Variants in SH3TC1 observed in about 807,000 individuals in gnomAD.
SH3TC1 encodes the protein SH3 domain and tetratricopeptide repeat-containing protein 1.
A neutral mutation model predicts 117.3 loss-of-function variants in SH3TC1; 135 were observed. That is an observed-to-expected ratio of 1.15 (90% CI 1.00 to 1.33). The LOEUF is 1.33. Ranked by LOEUF, SH3TC1 falls within the 40% of genes most tolerant of loss-of-function variation. The probability of loss-of-function intolerance (pLI) is 0.00; values close to 1 mark genes in which losing one functional copy is unlikely to be tolerated. For synonymous variants in SH3TC1, 898 were observed against 816.9 expected, an observed-to-expected ratio of 1.10 and a Z score of -1.69; for missense variants, 2,092 against 1,794.3, an observed-to-expected ratio of 1.17 and a Z score of -3.00.
At chr4:8,208,648 C>T (rs1388503654) in intron 2 of SH3TC1, among the ~76,000 whole-genome samples, 2 of 152,220 alleles carry the variant, frequency 1.3e-5, no homozygotes, top group Non-Finnish European at 2.9e-5. Context: ...CCACTGCGCC[C>T]GGCCCATTTG....
chr4:8,212,118 T>C (rs1718793114), intron 3 of SH3TC1, among the ~76,000 whole-genome samples: 1 of 151,580 alleles, frequency 6.6e-6, no homozygotes, highest in Admixed American at 6.6e-5. Flanking sequence ...CGAGCAGGGG[T>C]GGGGGCCCTC....
At position 8,210,529 on chromosome 4, in the gene SH3TC1, T is replaced by C. The variant is rs1718569544; in HGVS notation, c.247+707T>C. 1.3e-5 allele frequency among the ~76,000 whole-genome samples: 2 copies of C among 152,116 alleles called. No homozygotes were observed. The highest frequency in any genetic ancestry group is 2.9e-5 in the Non-Finnish European group (2 of 68,008). On this transcript the variant is annotated intron_variant, in intron 3 of 17. Coordinates refer to ENST00000245105, the MANE Select transcript of SH3TC1 (RefSeq NM_018986.5). This position sits in a 1 kb window ranked among gnomAD's most constrained non-coding sequence, Gnocchi z 4.1. ...GCTCACGCCTGTAATCCCAGCACTT[T>C]GGGAGGCCGAGGCGGGTGGATCACT...
chr4:8,184,081 C>G (rs183715966), intron 1 of SH3TC1, among the ~76,000 whole-genome samples: 78 of 152,286 alleles, frequency 5.1e-4, no homozygotes, highest in African/African-American at 1.8e-3. Context: ...TCTCAGCTGA[C>G]AGAGCATGAA....
In SH3TC1 at chr4:8,216,273, G is replaced by A; in HGVS notation, c.628+16G>A. On this transcript the variant is annotated intron_variant, in intron 6 of 17. Coordinates refer to ENST00000245105, the MANE Select transcript of SH3TC1 (RefSeq NM_018986.5). ...ATCCAAGAAGGTGAGCGTTGCATGG[G>A]GTGATGGCCGAGATCCAGCTGTGCG... The A allele has an allele frequency of 6.2e-7, 1 of 1,610,242 alleles. No individual in the cohort carries two copies. Among genetic ancestry groups the A allele is most frequent in the Non-Finnish European group, 8.5e-7 (1 of 1,178,218 alleles).
chr4:8,209,496 G>A lies in SH3TC1; in HGVS notation c.173-252G>A, dbSNP rs1280014218. Reference sequence around the variant, plus strand: ...AGGCCCATTGGAACTTGAGAGCGGCGGGATCATACGAGTCGTGTGGTCTTA... The same window carrying A: ...AGGCCCATTGGAACTTGAGAGCGGCAGGATCATACGAGTCGTGTGGTCTTA... On this transcript the variant is annotated intron_variant, in intron 2 of 17. Transcript: ENST00000245105. This position sits in a 1 kb window ranked among gnomAD's most constrained non-coding sequence, Gnocchi z 5.9. Among the ~76,000 whole-genome samples the A allele has an allele frequency of 2.0e-5, 3 of 152,192 alleles. No homozygotes were observed. The highest frequency in any genetic ancestry group is 7.2e-5 in the African/African-American group (3 of 41,442).
At chr4:8,212,078 G>A (rs941025592) in intron 3 of SH3TC1, among the ~76,000 whole-genome samples, 1 of 152,090 alleles carries the variant, frequency 6.6e-6, no homozygotes, top group African/African-American at 2.4e-5. Flanking sequence ...GGTGGCTGAT[G>A]TGGTGTGTGA....
upstream of SH3TC1, chr4:8,199,183 T>TG (rs1281875724): frequency 6.6e-6 from 1 of 152,296 alleles, no homozygotes; most frequent in Non-Finnish European, 1.5e-5. Flanking sequence ...GCCCTGGGCC[T>TG]GCCTCTCCGT....
intron 1 of SH3TC1, among the ~76,000 whole-genome samples, chr4:8,187,911 A>C (rs1383699953): frequency 1.3e-5 from 2 of 152,038 alleles, no homozygotes; most frequent in Non-Finnish European, 2.9e-5. Context: ...TTTGTTGCTC[A>C]CTTTGTCCCA....
chr4:8,232,084 T>C lies in SH3TC1; in HGVS notation c.3059T>C (p.Val1020Ala). ...HELQLSLACK[V>A]ADKVLEGQLL... ...CTCCAGCTCTCCCTGGCCTGCAAGGTGGCCGACAAGGTGCTGGAGGGGCAG... is the reference window on the plus strand; with the variant it reads ...CTCCAGCTCTCCCTGGCCTGCAAGGCGGCCGACAAGGTGCTGGAGGGGCAG... The change falls in exon 13 of 18, where the codon GTG becomes GCG. Residue 1020 changes from valine (V) to alanine (A), a missense_variant. Coordinates refer to ENST00000245105, the MANE Select transcript of SH3TC1 (RefSeq NM_018986.5). 1.9e-6 allele frequency: 3 copies of C among 1,613,066 alleles called. No homozygotes were observed. The highest frequency in any genetic ancestry group is 2.2e-5 in the South Asian group (2 of 91,060).
intron 5 of SH3TC1, among the ~76,000 whole-genome samples, chr4:8,215,620 C>G (rs561566633): frequency 1.6e-4 from 25 of 152,332 alleles, no homozygotes; most frequent in African/African-American, 6.0e-4. Context: ...ACCGAGCCTC[C>G]TAGTTCAGCT....
chr4:8,192,738 T>C lies in SH3TC1; in HGVS notation c.-57+10528T>C, dbSNP rs998091544. ...CAAACTCCTGACCTCGTGATCCACC[T>C]GCCTTGGTCTCCCTAAGTGCTGGGA... On this transcript the variant is annotated intron_variant, in intron 1 of 16. Coordinates refer to the SH3TC1 transcript ENST00000508641. The surrounding 1 kb of genome is among the most constrained non-coding windows in gnomAD (Gnocchi z 4.1). Among the ~76,000 whole-genome samples the C allele has an allele frequency of 6.6e-6, 1 of 151,864 alleles. No individual in the cohort carries two copies. Among genetic ancestry groups the C allele is most frequent in the Non-Finnish European group, 1.5e-5 (1 of 67,956 alleles).
rs1717232590 is a variant in SH3TC1 at position 8,186,711 on chromosome 4, A to T, written c.-57+4501A>T. Among the ~76,000 whole-genome samples the T allele has an allele frequency of 6.6e-6, 1 of 152,152 alleles. No homozygotes were observed. Among genetic ancestry groups the T allele is most frequent in the Admixed American group, 6.5e-5 (1 of 15,280 alleles). ...GTAATCCCAGCACTTTGGGAGATGG[A>T]GGTGGGTAGATCACTTGAGGTCAAA... On this transcript the variant is annotated intron_variant, in intron 1 of 16. Transcript: ENST00000508641. The surrounding 1 kb of genome is among the most constrained non-coding windows in gnomAD (Gnocchi z 5.2).
intron 13 of SH3TC1, chr4:8,233,031 C>T (rs555986650): frequency 2.9e-5 from 35 of 1,212,050 alleles, no homozygotes; most frequent in African/African-American, 6.3e-5. Context: ...TGAGAACCAT[C>T]GGCCTGGATA....
At chr4:8,223,832 G>A (rs1230713042) in intron 10 of SH3TC1, among the ~76,000 whole-genome samples, 10 of 151,934 alleles carry the variant, frequency 6.6e-5, no homozygotes, top group African/African-American at 7.3e-5. Context: ...ACAGAGTTTC[G>A]CCATGTTGGC....
chr4:8,231,634 A>T, intron 12 of SH3TC1: 1 of 296,534 alleles, frequency 3.4e-6, no homozygotes, highest in Non-Finnish European at 6.3e-6. Flanking sequence ...CCAGGGTTCC[A>T]TCTGCGACAG....
At position 8,192,319 on chromosome 4, in the gene SH3TC1, G is replaced by A. The variant is rs1717441923; in HGVS notation, c.-57+10109G>A. Reference sequence around the variant, plus strand: ...CCCTCAGTCACCTTTAAAATGAAAGGGCCACGGAATCACCAGGAACTCTCC... The same window carrying A: ...CCCTCAGTCACCTTTAAAATGAAAGAGCCACGGAATCACCAGGAACTCTCC... On this transcript the variant is annotated intron_variant, in intron 1 of 16. Coordinates refer to the SH3TC1 transcript ENST00000508641. This position sits in a 1 kb window ranked among gnomAD's most constrained non-coding sequence, Gnocchi z 4.1. Among the ~76,000 whole-genome samples, 3 of 151,144 alleles carry A rather than the reference G, an allele frequency of 2.0e-5. No homozygotes were observed. In the South Asian group the frequency reaches 6.3e-4, roughly 32 times the overall value.
rs115831246 is a variant in SH3TC1 at position 8,229,854 on chromosome 4, G to T, written c.2950+1210G>T. On this transcript the variant is annotated intron_variant, in intron 12 of 17. Coordinates refer to ENST00000245105, the MANE Select transcript of SH3TC1 (RefSeq NM_018986.5). Reference sequence around the variant, plus strand: ...TGGCACCTCCTACGAGGCCCTCCCCGGGGTGCTGGGGGATTCAGACTTGGA... The same window carrying T: ...TGGCACCTCCTACGAGGCCCTCCCCTGGGTGCTGGGGGATTCAGACTTGGA... Among the ~76,000 whole-genome samples, 1,451 of 152,210 alleles carry T rather than the reference G, an allele frequency of 9.5e-3. 16 individuals are homozygous for T. The highest frequency in any genetic ancestry group is 0.033 in the African/African-American group (1,360 of 41,498).
At chr4:8,211,800 C>T (rs539174578) in intron 3 of SH3TC1, among the ~76,000 whole-genome samples, 8 of 152,070 alleles carry the variant, frequency 5.3e-5, no homozygotes, top group African/African-American at 1.5e-4. Flanking sequence ...CCACAGCCCC[C>T]GTGGCAGGTG....
intron 1 of SH3TC1, among the ~76,000 whole-genome samples, chr4:8,185,427 A>G (rs115934039): frequency 0.011 from 1,601 of 152,214 alleles, 34 homozygotes; most frequent in African/African-American, 0.037. Flanking sequence ...CTGTCATCAC[A>G]GCATCATCCA....
Sources: gnomAD v4.1 joint callset for allele counts (sites outside exome capture counted in the v4.1 genomes callset) on GRCh38, gnomAD v4.1.1 for gene constraint, Gnocchi (gnomAD v3.1) non-coding constraint, MANE v1.5 for transcripts, NCBI Gene and HGNC (gene_info 2026-07-23, HGNC 2026-07-21) for gene names.